The following USP10 variants were observed in gnomAD, a reference collection of about 807,000 sequenced individuals.
USP10 encodes the protein ubiquitin specific peptidase 10.
In USP10, 22 loss-of-function variants were observed where a neutral mutation model predicts 84.5. The ratio of observed to expected loss-of-function variants is 0.26; its 90% CI spans 0.19 to 0.37. USP10 has a LOEUF of 0.37. USP10 is among the 10% of genes least tolerant of loss of function. The pLI, the probability that USP10 is intolerant of heterozygous loss-of-function variation, is 1.00. For missense variants in USP10, 1,019 were observed against 998.9 expected (o/e 1.02, Z -0.27); for synonymous variants, 454 against 387.6 (o/e 1.17, Z -2.01).
chr16:84,728,077 T>C (rs1198957787), intron 1 of USP10, among the ~76,000 whole-genome samples: 1 of 152,224 alleles, frequency 6.6e-6, no homozygotes, highest in Non-Finnish European at 1.5e-5. Context: ...TCCCCTCTTT[T>C]GATAACATTC....
At chr16:84,706,951 C>T (rs774024792) in intron 1 of USP10, among the ~76,000 whole-genome samples, 1 of 152,136 alleles carries the variant, frequency 6.6e-6, no homozygotes, top group Admixed American at 6.5e-5. Flanking sequence ...TAGTAGTCAT[C>T]ATTTGAAGCC....
At chr16:84,725,623 C>G (rs1365490804) in intron 1 of USP10, among the ~76,000 whole-genome samples, 1 of 152,056 alleles carries the variant, frequency 6.6e-6, no homozygotes, top group African/African-American at 2.4e-5. Context: ...AGTCTGTTCT[C>G]TGACTCCTGA....
Position 84,767,462 on chromosome 16 carries a change from C to T in USP10, c.1833-731C>T, listed in dbSNP as rs1913986263. ...TTTTTATTCTACACACCCTACTCCC[C>T]TTCTTCTTTTTGTAAGACATCTTTA... On this transcript the variant is annotated intron_variant, in intron 10 of 13. Coordinates refer to ENST00000219473, the MANE Select transcript of USP10 (RefSeq NM_005153.3). Among the ~76,000 whole-genome samples the T allele has an allele frequency of 1.3e-5, 2 of 152,132 alleles. 1 individual carries two copies. The highest frequency in any genetic ancestry group is 4.1e-4 in the South Asian group (2 of 4,830).
intron 1 of USP10, 64 bp downstream of exon 1, chr16:84,700,175 C>A: frequency 8.5e-7 from 1 of 1,170,514 alleles, no homozygotes; most frequent in Non-Finnish European, 1.1e-6. Flanking sequence ...GACGCCGCGG[C>A]GGGCGGGCGT....
chr16:84,728,632 T>G (rs1908823768), intron 1 of USP10, among the ~76,000 whole-genome samples: 2 of 151,610 alleles, frequency 1.3e-5, no homozygotes, highest in Admixed American at 1.3e-4. Flanking sequence ...TCCGGCCTCC[T>G]TTTGTAGTTT....
At chr16:84,732,003 T>A (rs1231199518) in intron 1 of USP10, among the ~76,000 whole-genome samples, 1 of 152,210 alleles carries the variant, frequency 6.6e-6, no homozygotes, top group African/African-American at 2.4e-5. Flanking sequence ...ACTGTTACTG[T>A]CAATACATAA....
intron 3 of USP10, among the ~76,000 whole-genome samples, chr16:84,742,530 G>C (rs1910742990): frequency 6.6e-6 from 1 of 152,218 alleles, no homozygotes; most frequent in Non-Finnish European, 1.5e-5. Context: ...GTACTGCAGT[G>C]AGCAGCCTTG....
intron 2 of USP10, among the ~76,000 whole-genome samples, chr16:84,737,868 A>G (rs1910132724): frequency 6.6e-6 from 1 of 152,168 alleles, no homozygotes; most frequent in Admixed American, 6.5e-5. Context: ...TCACTGGTCC[A>G]GCCTTTCCAG....
At chr16:84,744,027 G>A (rs539575234) in intron 3 of USP10, among the ~76,000 whole-genome samples, 1 of 151,814 alleles carries the variant, frequency 6.6e-6, no homozygotes, top group South Asian at 2.1e-4. Flanking sequence ...TCTGAAGTGC[G>A]CTTTTATATA....
chr16:84,707,250 A>T (rs1905651347), intron 1 of USP10, among the ~76,000 whole-genome samples: 1 of 152,238 alleles, frequency 6.6e-6, no homozygotes, highest in Admixed American at 6.5e-5. Context: ...CTCCATAAAC[A>T]TTTACAGAAT....
intron 1 of USP10, among the ~76,000 whole-genome samples, chr16:84,703,197 T>G (rs1214747493): frequency 2.0e-5 from 3 of 152,284 alleles, no homozygotes; most frequent in African/African-American, 7.2e-5. Flanking sequence ...CTTTAACAGT[T>G]GAAGTGTAGG....
intron 4 of USP10, among the ~76,000 whole-genome samples, chr16:84,750,021 G>A (rs1911723028): frequency 6.6e-6 from 1 of 152,172 alleles, no homozygotes; most frequent in Non-Finnish European, 1.5e-5. Flanking sequence ...AAACACAAAA[G>A]CCCTGTCTTG....
At chr16:84,753,737 T>C in intron 4 of USP10, among the ~76,000 whole-genome samples, 1 of 152,214 alleles carries the variant, frequency 6.6e-6, no homozygotes. Flanking sequence ...TTCTAACAAA[T>C]ATGAGTGGAG....
Position 84,744,889 on chromosome 16 carries a change from A to T in USP10, c.408A>T (p.Glu136Asp). The change falls in exon 4 of 14, where the codon GAA (glutamate) becomes GAT (aspartate). Residue 136 changes from glutamate to aspartate, a missense_variant. Glu to Asp is a conservative substitution (Grantham distance 45). Coordinates refer to ENST00000219473, the MANE Select transcript of USP10 (RefSeq NM_005153.3). The part of the protein sequence containing the change: ...GSSNVEAEVL[E>D]NDGVSGGLGQ... ...CTAATGTGGAGGCGGAAGTTTTGGA[A>T]AATGATGGTGTCTCAGGTGGTCTTG... The T allele has an allele frequency of 1.2e-6, 2 of 1,613,812 alleles. No homozygotes were observed. Among genetic ancestry groups the T allele is most frequent in the Non-Finnish European group, 1.7e-6 (2 of 1,179,728 alleles).
chr16:84,726,995 T>G (rs978865504), intron 1 of USP10, among the ~76,000 whole-genome samples: 4 of 152,178 alleles, frequency 2.6e-5, no homozygotes, highest in African/African-American at 9.7e-5. Flanking sequence ...TGGTATTTGG[T>G]GTAGCTGTGG....
At chr16:84,766,929 C>T (rs768112352) in intron 10 of USP10, among the ~76,000 whole-genome samples, 4 of 152,006 alleles carry the variant, frequency 2.6e-5, no homozygotes, top group Non-Finnish European at 5.9e-5. Flanking sequence ...TTTCAGTTTC[C>T]CCAGGAAGAC....
intron 1 of USP10, among the ~76,000 whole-genome samples, chr16:84,731,785 T>G (rs1006428650): frequency 1.4e-4 from 21 of 152,082 alleles, no homozygotes; most frequent in African/African-American, 2.2e-4. Flanking sequence ...TCTTTTTTTT[T>G]TGTGATAGTC....
chr16:84,708,147 T>G (rs1905790830), intron 1 of USP10, among the ~76,000 whole-genome samples: 2 of 151,738 alleles, frequency 1.3e-5, no homozygotes, highest in African/African-American at 4.8e-5. Context: ...TGTCCGGTGT[T>G]CATAGTGTAA....
At chr16:84,735,451 A>C (rs890341262) in intron 2 of USP10, among the ~76,000 whole-genome samples, 5 of 152,264 alleles carry the variant, frequency 3.3e-5, no homozygotes, top group African/African-American at 9.6e-5. Context: ...GGGTCGCTTC[A>C]GTTCTGCCAC....
Sources: gnomAD v4.1 joint callset for allele counts (sites outside exome capture counted in the v4.1 genomes callset) on GRCh38, gnomAD v4.1.1 for gene constraint, MANE v1.5 for transcripts, NCBI Gene and HGNC (gene_info 2026-07-23, HGNC 2026-07-21) for gene names.